Variants in NAALADL2 observed in about 807,000 individuals in gnomAD.
NAALADL2 encodes the protein inactive N-acetylated-alpha-linked acidic dipeptidase-like protein 2.
A neutral mutation model predicts 87.2 loss-of-function variants in NAALADL2; 76 were observed. The observed-to-expected ratio is 0.87, with a 90% confidence interval of 0.72 to 1.05. The LOEUF is 1.05. NAALADL2 is among the 50% of genes least tolerant of loss of function. The pLI is 0.00. For missense variants in NAALADL2, 1,089 were observed against 945.8 expected (o/e 1.15, Z -1.99); for synonymous variants, 354 against 331.0 (o/e 1.07, Z -0.75).
chr3:175,782,787 A>G (rs541260431), intron 13 of NAALADL2, among the ~76,000 whole-genome samples: 1 of 146,142 alleles, frequency 6.8e-6, no homozygotes, highest in Admixed American at 6.7e-5. Context: ...GCCCATGCCT[A>G]TGTCCTGAAT....
intron 1 of NAALADL2, among the ~76,000 whole-genome samples, chr3:174,503,952 A>G (rs1719053411): frequency 6.6e-6 from 1 of 152,142 alleles, no homozygotes; most frequent in African/African-American, 2.4e-5. Flanking sequence ...TTTAAAATGC[A>G]TTTAGACTAG....
chr3:174,926,507 T>A lies in NAALADL2; in HGVS notation c.43+67057T>A, dbSNP rs182182324. Reference sequence around the variant, plus strand: ...GCCCATCAGACTAACAGTAGATCTCTCGGTAGAAACTCTACAAGCCAGAAG... The same window carrying A: ...GCCCATCAGACTAACAGTAGATCTCACGGTAGAAACTCTACAAGCCAGAAG... On this transcript the variant is annotated intron_variant, in intron 1 of 13. Coordinates refer to ENST00000454872, the MANE Select transcript of NAALADL2 (RefSeq NM_207015.3). Among the ~76,000 whole-genome samples the A allele has an allele frequency of 6.2e-4, 95 of 152,256 alleles. 2 individuals carry two copies. Among genetic ancestry groups the A allele is most frequent in the Admixed American group, 1.3e-3 (20 of 15,296 alleles).
chr3:175,655,259 G>A (rs945066522), intron 11 of NAALADL2, among the ~76,000 whole-genome samples: 9 of 151,816 alleles, frequency 5.9e-5, no homozygotes, highest in Non-Finnish European at 1.2e-4. Flanking sequence ...CATATTTGGT[G>A]GTAGTATATC....
At chr3:175,257,840 G>T (rs1750276328) in intron 4 of NAALADL2, among the ~76,000 whole-genome samples, 1 of 151,816 alleles carries the variant, frequency 6.6e-6, no homozygotes, top group Non-Finnish European at 1.5e-5. Flanking sequence ...TGCCTATGAA[G>T]GTAACATTAT....
At chr3:174,785,229 C>T (rs1160315240) in intron 3 of NAALADL2, among the ~76,000 whole-genome samples, 1 of 152,032 alleles carries the variant, frequency 6.6e-6, no homozygotes, top group Non-Finnish European at 1.5e-5. Flanking sequence ...ATCCCTTTGT[C>T]CATGAGTGCT....
intron 1 of NAALADL2, among the ~76,000 whole-genome samples, chr3:174,875,231 GA>G (rs573082608): frequency 7.9e-4 from 120 of 151,060 alleles, no homozygotes; most frequent in Admixed American, 5.6e-3. Flanking sequence ...CCAATTCTAG[GA>G]TTTCTGACTT....
intron 10 of NAALADL2, among the ~76,000 whole-genome samples, chr3:175,617,060 C>A (rs1725443661): frequency 1.3e-5 from 2 of 152,112 alleles, no homozygotes. Flanking sequence ...CCCCACCTAG[C>A]AGAGGAGTTG....
chr3:175,097,094 G>C lies in NAALADL2; in HGVS notation c.348G>C (p.Lys116Asn), dbSNP rs1380381380. 6.2e-7 allele frequency: 1 copy of C among 1,613,676 alleles called. No homozygotes were observed. ...YITHYTRSAP[K>N]SNRCNFCHVL... Reference sequence around the variant, plus strand: ...CCCATTATACACGATCTGCACCAAAGAGCAATCGCTGCAACTTTTGCCACG... The same window carrying C: ...CCCATTATACACGATCTGCACCAAACAGCAATCGCTGCAACTTTTGCCACG... The change falls in exon 2 of 14, where the codon AAG (lysine) becomes AAC (asparagine). Residue 116 changes from lysine to asparagine, a missense_variant. Physicochemically the swap from Lys to Asn is moderately conservative, Grantham distance 94. Transcript: ENST00000454872.
At chr3:175,472,296 A>G (rs1725022515) in intron 9 of NAALADL2, among the ~76,000 whole-genome samples, 1 of 152,144 alleles carries the variant, frequency 6.6e-6, no homozygotes. Context: ...TATATTTTTT[A>G]TGTTTCATTG....
intron 2 of NAALADL2, among the ~76,000 whole-genome samples, chr3:174,618,865 C>T (rs1720733654): frequency 6.6e-6 from 1 of 151,782 alleles, no homozygotes; most frequent in Non-Finnish European, 1.5e-5. Flanking sequence ...TAACAACTTC[C>T]TCTATTAACA....
intron 4 of NAALADL2, among the ~76,000 whole-genome samples, chr3:175,277,706 T>G (rs1753778276): frequency 6.6e-6 from 1 of 152,210 alleles, no homozygotes; most frequent in African/African-American, 2.4e-5. Context: ...TGCTTAGAAT[T>G]ATTTATGAAT....
chr3:175,498,174 A>G (rs531684491), intron 9 of NAALADL2, among the ~76,000 whole-genome samples: 1 of 152,272 alleles, frequency 6.6e-6, no homozygotes, highest in Admixed American at 6.5e-5. Flanking sequence ...ATAAAAACGA[A>G]TGAAAGAATG....
intron 3 of NAALADL2, among the ~76,000 whole-genome samples, chr3:174,793,164 T>C (rs1323485671): frequency 6.6e-6 from 1 of 152,174 alleles, no homozygotes; most frequent in African/African-American, 2.4e-5. Flanking sequence ...TGTTTTGTCT[T>C]GTTTTGTTCT....
intron 13 of NAALADL2, among the ~76,000 whole-genome samples, chr3:175,793,557 T>C (rs1339411095): frequency 2.0e-5 from 3 of 151,998 alleles, no homozygotes; most frequent in African/African-American, 7.2e-5. Context: ...CCTCGTGATC[T>C]GCCGACCTCG....
intron 9 of NAALADL2, among the ~76,000 whole-genome samples, chr3:175,492,901 T>C (rs1728299752): frequency 6.6e-6 from 1 of 152,104 alleles, no homozygotes; most frequent in South Asian, 2.1e-4. Context: ...TAAAAACATC[T>C]TCTAGCTCTT....
intron 3 of NAALADL2, among the ~76,000 whole-genome samples, chr3:174,784,743 A>G (rs1215045238): frequency 6.6e-6 from 1 of 152,200 alleles, no homozygotes; most frequent in Non-Finnish European, 1.5e-5. Flanking sequence ...ATGCCCAAGC[A>G]GAGGTTTCCC....
intron 13 of NAALADL2, among the ~76,000 whole-genome samples, chr3:175,786,829 C>T (rs1752043859): frequency 6.6e-6 from 1 of 152,024 alleles, no homozygotes; most frequent in Non-Finnish European, 1.5e-5. Flanking sequence ...TGTTTTTTCC[C>T]CATCTTTGTG....
chr3:174,796,133 C>A (rs1323756775), intron 3 of NAALADL2, among the ~76,000 whole-genome samples: 2 of 152,084 alleles, frequency 1.3e-5, no homozygotes, highest in Non-Finnish European at 2.9e-5. Flanking sequence ...ATGCCTTGCA[C>A]AGAAGAAACG....
At chr3:174,847,105 G>A (rs1724708906) in intron 3 of NAALADL2, among the ~76,000 whole-genome samples, 1 of 152,146 alleles carries the variant, frequency 6.6e-6, no homozygotes, top group South Asian at 2.1e-4. Context: ...GTATCACTGA[G>A]ATCCAGAAGA....
Sources: gnomAD v4.1 joint callset for allele counts (sites outside exome capture counted in the v4.1 genomes callset) on GRCh38, gnomAD v4.1.1 for gene constraint, MANE v1.5 for transcripts, NCBI Gene and HGNC (gene_info 2026-07-23, HGNC 2026-07-21) for gene names.